Variants in NBAS observed in about 807,000 individuals in gnomAD.
NBAS encodes the protein NBAS subunit of NRZ tethering complex, also known as NAG/BC035112 fusion.
Under a neutral mutation model 302.5 loss-of-function variants are expected in NBAS, and 219 were observed. That is an observed-to-expected ratio of 0.72 (90% CI 0.65 to 0.81). The LOEUF is 0.81. NBAS is among the 30% of genes least tolerant of loss of function. NBAS has a pLI of 0.00. For missense variants in NBAS, 2,932 were observed against 2,841.6 expected (o/e 1.03, Z -0.72); for synonymous variants, 1,118 against 1,021.6 (o/e 1.09, Z -1.80).
chr2:14,992,187 C>T, the NBAS span, among the ~76,000 whole-genome samples: 1 of 152,150 alleles, frequency 6.6e-6, no homozygotes, highest in East Asian at 1.9e-4. Context: ...AATCATTATG[C>T]AAATGGGTAT....
chr2:15,137,426 C>T, the NBAS span, among the ~76,000 whole-genome samples: 1 of 152,110 alleles, frequency 6.6e-6, no homozygotes, highest in African/African-American at 2.4e-5. Flanking sequence ...GGTCAAGCAA[C>T]GGTTGCACCT....
At chr2:15,390,415 A>T (rs969150132) in intron 28 of NBAS, among the ~76,000 whole-genome samples, 4 of 152,206 alleles carry the variant, frequency 2.6e-5, no homozygotes, top group Non-Finnish European at 4.4e-5. Flanking sequence ...AAAGAAATAG[A>T]CACCAAAACA....
At chr2:14,967,319 G>A in the NBAS span, among the ~76,000 whole-genome samples, 19 of 152,078 alleles carry the variant, frequency 1.2e-4, no homozygotes, top group African/African-American at 4.6e-4. Flanking sequence ...GAAATTCTAA[G>A]GATCTAGAAT....
chr2:15,218,820 A>G lies in NBAS; in HGVS notation c.6385T>C (p.Phe2129Leu), dbSNP rs753895687. Residue 2129 changes from phenylalanine to leucine, a missense_variant, in exon 48 of 52, where the codon TTC becomes CTC. By Grantham distance (22) the Phe-to-Leu change is conservative. Coordinates refer to ENST00000281513, the MANE Select transcript of NBAS (RefSeq NM_015909.4). ...LTEEDSKLLV[F>L]FRTEAILKAS... is the part of the protein sequence containing the mutation. ...TTGAGAATGGCTTCAGTTCTAAAGA[A>G]CACGAGGAGCTTGCTGTCCTCCTCA... 3.1e-6 allele frequency: 5 copies of G among 1,614,256 alleles called. No individual in the cohort carries two copies. The highest frequency in any genetic ancestry group is 4.2e-6 in the Non-Finnish European group (5 of 1,180,040).
the NBAS span, among the ~76,000 whole-genome samples, chr2:14,944,409 C>T: frequency 1.1e-4 from 16 of 152,332 alleles, 1 homozygote; most frequent in South Asian, 2.5e-3. Context: ...ATTTTTCACC[C>T]CAACCCTACA....
At chr2:15,551,353 AAGC>A in intron 6 of NBAS, 137 bp downstream of exon 6, 2 of 559,432 alleles carry the variant, frequency 3.6e-6, no homozygotes, top group Non-Finnish European at 6.1e-6. Flanking sequence ...AAAAAAAAAA[AAGC>A]AGTTTTTAAA....
intron 1 of NBAS, among the ~76,000 whole-genome samples, chr2:15,559,085 A>AAAAAAAAAAC (rs1664788790): frequency 6.6e-6 from 1 of 150,818 alleles, no homozygotes; most frequent in Non-Finnish European, 1.5e-5. Context: ...AAAAAAAAAA[A>AAAAAAAAAAC]AAGTAGACAC....
At chr2:15,326,039 C>T (rs1359723511) in intron 38 of NBAS, among the ~76,000 whole-genome samples, 2 of 152,184 alleles carry the variant, frequency 1.3e-5, no homozygotes, top group African/African-American at 4.8e-5. Context: ...TCAAAACACA[C>T]ACAACATTTA....
chr2:15,230,838 AG>A (rs1416492669), intron 47 of NBAS, among the ~76,000 whole-genome samples: 1 of 152,148 alleles, frequency 6.6e-6, no homozygotes, highest in African/African-American at 2.4e-5. Flanking sequence ...AAGGAGGGTA[AG>A]TGTTTCCCAC....
the NBAS span, among the ~76,000 whole-genome samples, chr2:14,870,234 G>C: frequency 6.6e-6 from 1 of 152,140 alleles, no homozygotes; most frequent in African/African-American, 2.4e-5. Flanking sequence ...ATTTCAGGGA[G>C]GCCAAAGTGG....
At chr2:15,273,282 T>C (rs1669412676) in intron 44 of NBAS, among the ~76,000 whole-genome samples, 1 of 152,212 alleles carries the variant, frequency 6.6e-6, no homozygotes, top group Non-Finnish European at 1.5e-5. Context: ...CTTGGATCAG[T>C]TCCTTCCCAT....
chr2:14,864,349 A>C, the NBAS span, among the ~76,000 whole-genome samples: 1 of 151,832 alleles, frequency 6.6e-6, no homozygotes, highest in Non-Finnish European at 1.5e-5. Flanking sequence ...GAAAGAAAGA[A>C]TAAAACAGCC....
At chr2:15,012,797 C>T in the NBAS span, among the ~76,000 whole-genome samples, 613 of 151,882 alleles carry the variant, frequency 4.0e-3, 5 homozygotes, top group African/African-American at 0.014. Flanking sequence ...TATTATTACC[C>T]GCAAAACTAC....
the NBAS span, among the ~76,000 whole-genome samples, chr2:15,018,592 ACT>A: frequency 5.3e-5 from 8 of 152,102 alleles, no homozygotes; most frequent in African/African-American, 1.4e-4. Context: ...TCAGAAAAAA[ACT>A]CTCTTTCTAA....
the NBAS span, among the ~76,000 whole-genome samples, chr2:15,086,363 A>G: frequency 3.3e-5 from 5 of 152,144 alleles, no homozygotes; most frequent in Non-Finnish European, 7.3e-5. Flanking sequence ...CTATCACTCA[A>G]TAAAGCTCCT....
the NBAS span, among the ~76,000 whole-genome samples, chr2:15,046,566 C>A: frequency 6.6e-6 from 1 of 152,150 alleles, no homozygotes; most frequent in African/African-American, 2.4e-5. Context: ...CAAGAAGTGG[C>A]TGGTGCTGTG....
intron 6 of NBAS, among the ~76,000 whole-genome samples, chr2:15,547,532 T>C (rs548377450): frequency 1.8e-4 from 28 of 152,342 alleles, no homozygotes; most frequent in Non-Finnish European, 3.4e-4. Flanking sequence ...ACAAATATTA[T>C]AATTTGTATA....
At chr2:15,196,086 T>G (rs1665606307) in intron 48 of NBAS, among the ~76,000 whole-genome samples, 1 of 152,216 alleles carries the variant, frequency 6.6e-6, no homozygotes, top group African/African-American at 2.4e-5. Flanking sequence ...CCTTTCATTC[T>G]TGCTCTAAAA....
chr2:15,314,644 AACCCATAATCTTTG>A (rs1375307693), intron 38 of NBAS, among the ~76,000 whole-genome samples: 1 of 152,184 alleles, frequency 6.6e-6, no homozygotes, highest in Non-Finnish European at 1.5e-5. Flanking sequence ...AAACTAAACA[AACCCATAATCTTTG>A]ACCCAGCAAT....
Sources: allele counts gnomAD v4.1 joint callset (sites outside exome capture counted in the v4.1 genomes callset), GRCh38; gene constraint gnomAD v4.1.1; transcripts MANE v1.5; gene names NCBI Gene and HGNC (gene_info 2026-07-23, HGNC 2026-07-21).